The following RASGRF1 variants were observed in gnomAD, a reference collection of about 807,000 sequenced individuals.
RASGRF1 encodes the protein Ras protein specific guanine nucleotide releasing factor 1.
Under a neutral mutation model 138.7 loss-of-function variants are expected in RASGRF1, and 40 were observed. The observed-to-expected ratio is 0.29, with a 90% CI of 0.22 to 0.38. The LOEUF (loss-of-function observed/expected upper bound fraction) is 0.38, where lower values mean the gene tolerates loss of function less well. Ranked by LOEUF, RASGRF1 falls within the 10% of genes least tolerant of loss-of-function variation. RASGRF1 has a pLI of 1.00. For missense variants in RASGRF1, 1,108 were observed against 1,650.4 expected, an observed-to-expected ratio of 0.67 and a Z score of 5.69; for synonymous variants, 614 against 663.2, an observed-to-expected ratio of 0.93 and a Z score of 1.14.
chr15:79,074,037 C>T (rs1429560083), intron 1 of RASGRF1, among the ~76,000 whole-genome samples: 6 of 152,226 alleles, frequency 3.9e-5, no homozygotes. Flanking sequence ...AGGCTCAGAT[C>T]TACAGCTCTG....
intron 1 of RASGRF1, among the ~76,000 whole-genome samples, chr15:79,083,121 C>A (rs2057934869): frequency 6.6e-6 from 1 of 152,200 alleles, no homozygotes; most frequent in Non-Finnish European, 1.5e-5. Context: ...GTCGCCATGG[C>A]TGCGAATTCT....
At chr15:78,970,798 T>TTC (rs1455684575) in intron 26 of RASGRF1, among the ~76,000 whole-genome samples, 5 of 145,716 alleles carry the variant, frequency 3.4e-5, no homozygotes, top group East Asian at 2.0e-4. Flanking sequence ...TATTAAACAA[T>TTC]TTTTTTTTCT....
At chr15:79,020,154 G>A in intron 10 of RASGRF1, 50 bp from the exon 11 acceptor site, 1 of 1,563,204 alleles carries the variant, frequency 6.4e-7, no homozygotes, top group Non-Finnish European at 8.8e-7. Flanking sequence ...AGATATGCTG[G>A]TTTAGGAGTC....
chr15:78,971,780 A>T, intron 26 of RASGRF1, 86 bp downstream of exon 26: 1 of 1,222,420 alleles, frequency 8.2e-7, no homozygotes. Context: ...GGGAAAGTGG[A>T]CGGGTATGGA....
intron 22 of RASGRF1, among the ~76,000 whole-genome samples, chr15:78,986,640 C>A (rs2056164929): frequency 6.6e-6 from 1 of 151,990 alleles, no homozygotes; most frequent in African/African-American, 2.4e-5. Context: ...AGCCACCGCG[C>A]CCGGCCTTTG....
At chr15:79,022,313 G>A (rs2056972023) in intron 10 of RASGRF1, among the ~76,000 whole-genome samples, 1 of 152,030 alleles carries the variant, frequency 6.6e-6, no homozygotes, top group Non-Finnish European at 1.5e-5. Context: ...GGTAGCGGGT[G>A]CCTATAATTC....
intron 3 of RASGRF1, among the ~76,000 whole-genome samples, chr15:79,055,016 G>T (rs1486388497): frequency 6.6e-6 from 1 of 152,132 alleles, no homozygotes; most frequent in Non-Finnish European, 1.5e-5. Context: ...TGTCATTCCT[G>T]AATATGTACT....
intron 5 of RASGRF1, among the ~76,000 whole-genome samples, chr15:79,045,282 G>C (rs1054747965): frequency 2.0e-5 from 3 of 152,168 alleles, no homozygotes; most frequent in Non-Finnish European, 4.4e-5. Context: ...TGTGAAGTCA[G>C]CTGAGCTATC....
In RASGRF1 at chr15:79,090,558, G is replaced by A. The variant is rs1039297618; in HGVS notation, c.-60C>T. 14 of 1,575,214 alleles carry A rather than the reference G, an allele frequency of 8.9e-6. No individual in the cohort carries two copies. Among genetic ancestry groups the A allele is most frequent in the South Asian group, 1.1e-5 (1 of 87,412 alleles). Reference sequence around the variant, plus strand: ...CATCTTCTCCGCGCAGCAGCCCCCCGTCCGTGCGCGCTGCGCGCTGCCTCT... The same window carrying A: ...CATCTTCTCCGCGCAGCAGCCCCCCATCCGTGCGCGCTGCGCGCTGCCTCT... On this transcript the variant is annotated 5_prime_UTR_variant, in exon 1 of 27. The change creates a new upstream start codon in the 5' untranslated region. Transcript: ENST00000558480.
chr15:79,044,496 T>C (rs1289272726), intron 5 of RASGRF1, among the ~76,000 whole-genome samples: 1 of 152,238 alleles, frequency 6.6e-6, no homozygotes, highest in East Asian at 1.9e-4. Flanking sequence ...TCTGTGTTGC[T>C]TGTCTGTTGA....
At chr15:79,089,486 G>T (rs2058024034) in intron 1 of RASGRF1, among the ~76,000 whole-genome samples, 2 of 152,090 alleles carry the variant, frequency 1.3e-5, no homozygotes, top group South Asian at 2.1e-4. Flanking sequence ...CCGCGACTGC[G>T]GCGGCGGCGG....
chr15:78,973,249 G>A lies in RASGRF1; in HGVS notation c.3612+54C>T. The A allele has an allele frequency of 1.4e-6, 2 of 1,407,948 alleles. No individual in the cohort carries two copies. Among genetic ancestry groups the A allele is most frequent in the Non-Finnish European group, 2.0e-6 (2 of 1,014,312 alleles). The allele number at this position is 1,407,948 out of a possible 1,614,324, so 87.2% of individuals were successfully genotyped here. ...GCAGAGTGTGGGTGGGCCCCAGGTT[G>A]AGTCATCTGGGCTTCAACGCCCCCC... On this transcript the variant is annotated intron_variant, in intron 25 of 26. Transcript: ENST00000558480. This position sits in a 1 kb window ranked among gnomAD's most constrained non-coding sequence, Gnocchi z 4.9.
rs2057357832 is a variant in RASGRF1, at chr15:79,046,674, G to A, written c.878+72C>T. ...CTCGGTGGGAACCACGTGAGAGAGT[G>A]TGTCAAAGCTTAGCTGCGGCCAATG... On this transcript the variant is annotated intron_variant, in intron 5 of 26. Transcript: ENST00000558480. This position sits in a 1 kb window ranked among gnomAD's most constrained non-coding sequence, Gnocchi z 5.3. 6.3e-7 allele frequency: 1 copy of A among 1,586,204 alleles called. No homozygotes were observed. The highest frequency in any genetic ancestry group is 1.7e-4 in the Middle Eastern group (1 of 5,956).
chr15:79,078,714 T>A (rs1196442519), intron 1 of RASGRF1, among the ~76,000 whole-genome samples: 1 of 152,250 alleles, frequency 6.6e-6, no homozygotes, highest in Non-Finnish European at 1.5e-5. Flanking sequence ...TGCCCAACTC[T>A]GCCTCTGAGT....
Position 79,032,607 on chromosome 15 carries a change from C to A in RASGRF1, c.959-291G>T, listed in dbSNP as rs954849970. Reference sequence around the variant, plus strand: ...TGTCAGAGAGAGGAGGTAGAGTGGGCGCTGTGGGGTGCCACCTGGATCCCC... The same window carrying A: ...TGTCAGAGAGAGGAGGTAGAGTGGGAGCTGTGGGGTGCCACCTGGATCCCC... On this transcript the variant is annotated intron_variant, in intron 6 of 26. Coordinates refer to ENST00000558480, the MANE Select transcript of RASGRF1 (RefSeq NM_001145648.3). The surrounding 1 kb of genome is among the most constrained non-coding windows in gnomAD (Gnocchi z 4.5). Among the ~76,000 whole-genome samples, 1 of 152,120 alleles carries A rather than the reference C, an allele frequency of 6.6e-6. No individual in the cohort carries two copies. Among genetic ancestry groups the A allele is most frequent in the Non-Finnish European group, 1.5e-5 (1 of 68,002 alleles).
intron 3 of RASGRF1, among the ~76,000 whole-genome samples, chr15:79,057,044 CTG>C (rs2057520510): frequency 1.3e-5 from 2 of 152,222 alleles, no homozygotes. Flanking sequence ...TCCCCACACT[CTG>C]GCATCCCAGA....
rs1295812386 is a variant in RASGRF1, at chr15:78,979,085, C to T, written c.3494+1535G>A. On this transcript the variant is annotated intron_variant, in intron 24 of 26. Transcript: ENST00000558480. ...GATGGAGTGGTGCCCCGGGGGCGGA[C>T]GGACGGACAAGTTGGTGAATGCACG... is the stretch of plus-strand genomic sequence containing the variant. The T allele has an allele frequency of 2.9e-5, 37 of 1,290,092 alleles. No individual in the cohort carries two copies. The East Asian group carries it at 5.0e-4, about 17-fold the overall frequency. 79.9% of individuals were successfully genotyped at this position (1,290,092 alleles called of 1,614,324 possible).
At chr15:78,972,130 C>CT (rs2141598846) in intron 25 of RASGRF1, among the ~76,000 whole-genome samples, 196 bp from the exon 26 acceptor site, 1 of 152,300 alleles carries the variant, frequency 6.6e-6, no homozygotes, top group South Asian at 2.1e-4. Flanking sequence ...GAGTCTCACT[C>CT]TGTCGCCCAG....
intron 23 of RASGRF1, 156 bp downstream of exon 23, chr15:78,984,851 T>C (rs2056113430): frequency 1.2e-5 from 9 of 775,506 alleles, no homozygotes; most frequent in Non-Finnish European, 2.0e-5. Context: ...TGGTCCCAGG[T>C]GATATAGGGG....
Sources: gnomAD v4.1 joint callset for allele counts (sites outside exome capture counted in the v4.1 genomes callset) on GRCh38, gnomAD v4.1.1 for gene constraint, Gnocchi (gnomAD v3.1) non-coding constraint, MANE v1.5 for transcripts, NCBI Gene and HGNC (gene_info 2026-07-23, HGNC 2026-07-21) for gene names.